Variants in VWA5A observed in about 807,000 individuals in gnomAD.
VWA5A encodes the protein von Willebrand factor A domain containing 5A, also known as von Willebrand factor A domain-containing protein 5A.
VWA5A carries 77 observed loss-of-function variants against 84.6 expected under a neutral mutation model. That is an observed-to-expected ratio of 0.91 (90% CI 0.76 to 1.10). VWA5A has a LOEUF of 1.10. Ranked by LOEUF, VWA5A falls within the 50% of genes least tolerant of loss-of-function variation. The pLI is 0.00. For missense variants in VWA5A, 973 were observed against 963.0 expected, an observed-to-expected ratio of 1.01 and a Z score of -0.14; for synonymous variants, 334 against 350.1, an observed-to-expected ratio of 0.95 and a Z score of 0.51.
chr11:124,138,731 G>A (rs775287364), intron 15 of VWA5A, among the ~76,000 whole-genome samples: 2 of 152,064 alleles, frequency 1.3e-5, no homozygotes, highest in African/African-American at 2.4e-5. Context: ...CTCCCATTCC[G>A]TAGGTTGTTT....
chr11:124,120,102 C>A (rs1350701466), intron 7 of VWA5A, among the ~76,000 whole-genome samples: 2 of 152,194 alleles, frequency 1.3e-5, no homozygotes, highest in Non-Finnish European at 2.9e-5. Context: ...CTTGTACAAC[C>A]ATCACCACCC....
At chr11:124,123,199 G>A (rs1017236740) in intron 8 of VWA5A, 70 bp downstream of exon 8, 2 of 1,558,984 alleles carry the variant, frequency 1.3e-6, no homozygotes, top group Non-Finnish European at 1.7e-6. Flanking sequence ...GTTAAATAAG[G>A]GTCTATCTGG....
At chr11:124,117,950 G>A in intron 4 of VWA5A, 75 bp downstream of exon 4, 1 of 1,539,068 alleles carries the variant, frequency 6.5e-7, no homozygotes, top group Non-Finnish European at 8.9e-7. Context: ...TACTCTTTAT[G>A]ATCTCTACTA....
chr11:124,146,038 A>T lies in VWA5A; in HGVS notation c.*93A>T. ...GTGATGATGTGTTCTTGTGTATTAT[A>T]ACTCTTTATTTTTTGCCATAAAAGT... On this transcript the variant is annotated 3_prime_UTR_variant, in exon 19 of 19. Transcript: ENST00000456829. 1 of 1,311,146 alleles carries T rather than the reference A, an allele frequency of 7.6e-7. No individual in the cohort carries two copies. 81.2% of individuals were successfully genotyped at this position (1,311,146 alleles called of 1,614,324 possible).
At position 124,141,668 on chromosome 11, in the gene VWA5A, T is replaced by C. The variant is rs1860730483; in HGVS notation, c.1950T>C (p.Tyr650=). 6.2e-7 allele frequency: 1 copy of C among 1,614,176 alleles called. No homozygotes were observed. Among genetic ancestry groups the C allele is most frequent in the Non-Finnish European group, 8.5e-7 (1 of 1,180,030 alleles). Reference sequence around the variant, plus strand: ...AGCCCAGAGGGGAACTTATGTGTTATAAGGCCAAGACATTCCAGATGGACG... The same window carrying C: ...AGCCCAGAGGGGAACTTATGTGTTACAAGGCCAAGACATTCCAGATGGACG... ...ASQPRGELMC[Y]KAKTFQMDDY... The change falls in exon 16 of 19, where the codon TAT becomes TAC. Residue 650 remains tyrosine (Y), a synonymous_variant. Transcript: ENST00000456829.
Position 124,118,211 on chromosome 11 carries a change from C to T in VWA5A, c.269C>T (p.Ala90Val), listed in dbSNP as rs148772314. The T allele has an allele frequency of 3.2e-5, 52 of 1,614,036 alleles. No individual in the cohort carries two copies. The African/African-American group carries it at 5.2e-4, about 16-fold the overall frequency. The change falls in exon 5 of 19, where the codon GCC becomes GTC. Residue 90 changes from alanine (A) to valine (V), a missense_variant. Ala to Val is a moderately conservative substitution (Grantham distance 64). Coordinates refer to ENST00000456829, the MANE Select transcript of VWA5A (RefSeq NM_001130142.2). The part of the protein sequence containing the change: ...KMKARTNYEK[A>V]ISQGHQAFLL... ...CAGGCCCGCACCAACTATGAGAAAGCCATCTCCCAGGGCCACCAGGCCTTC... is the reference window on the plus strand; with the variant it reads ...CAGGCCCGCACCAACTATGAGAAAGTCATCTCCCAGGGCCACCAGGCCTTC...
At chr11:124,122,101 A>G (rs1476471683) in intron 7 of VWA5A, among the ~76,000 whole-genome samples, 1 of 152,252 alleles carries the variant, frequency 6.6e-6, no homozygotes, top group East Asian at 1.9e-4. Flanking sequence ...ACCAAATCCC[A>G]GGACTACTGA....
At chr11:124,133,309 G>T (rs1385696003) in intron 11 of VWA5A, among the ~76,000 whole-genome samples, 1 of 152,122 alleles carries the variant, frequency 6.6e-6, no homozygotes, top group Middle Eastern at 3.2e-3. Context: ...AGAACACTTT[G>T]GCTGTGGAAA....
Position 124,118,300 on chromosome 11 carries a change from G to C in VWA5A, c.358G>C (p.Gly120Arg). The change falls in exon 5 of 19, where the codon GGG (glycine) becomes CGG (arginine). Residue 120 changes from glycine (G) to arginine (R), a missense_variant. Physicochemically the swap from Gly to Arg is moderately radical, Grantham distance 125. Transcript: ENST00000456829. ...FSCNVGNLQP[G>R]SKAAVTLKYV... Reference sequence around the variant, plus strand: ...TTGCAATGTGGGTAACCTCCAACCTGGGTCGAAGGCGGCAGTCACCCTGAA... The same window carrying C: ...TTGCAATGTGGGTAACCTCCAACCTCGGTCGAAGGCGGCAGTCACCCTGAA... 6.2e-7 allele frequency: 1 copy of C among 1,614,172 alleles called. No individual in the cohort carries two copies. The highest frequency in any genetic ancestry group is 8.5e-7 in the Non-Finnish European group (1 of 1,180,042).
chr11:124,120,931 T>C (rs1170575414), intron 7 of VWA5A, among the ~76,000 whole-genome samples: 2 of 152,174 alleles, frequency 1.3e-5, no homozygotes, highest in Non-Finnish European at 2.9e-5. Context: ...TCTCATCTAG[T>C]CCCCATGACC....
intron 15 of VWA5A, 44 bp from the exon 16 acceptor site, chr11:124,141,554 A>G (rs752523173): frequency 6.2e-7 from 1 of 1,607,712 alleles, no homozygotes; most frequent in South Asian, 1.1e-5. Context: ...TGCCCACTGC[A>G]GAGAGCAGGG....
chr11:124,132,386 A>G (rs1398431844), intron 11 of VWA5A, among the ~76,000 whole-genome samples: 1 of 152,054 alleles, frequency 6.6e-6, no homozygotes, highest in East Asian at 1.9e-4. Flanking sequence ...TTGCTCCAAA[A>G]GGTTTTCTTT....
intron 17 of VWA5A, among the ~76,000 whole-genome samples, chr11:124,144,345 GACA>G (rs902451776): frequency 1.1e-4 from 17 of 152,264 alleles, no homozygotes; most frequent in Non-Finnish European, 2.1e-4. Flanking sequence ...AGAAATGGAG[GACA>G]ACAGGGTTAC....
At chr11:124,139,142 T>G (rs1040490415) in intron 15 of VWA5A, among the ~76,000 whole-genome samples, 2 of 152,160 alleles carry the variant, frequency 1.3e-5, no homozygotes, top group Non-Finnish European at 2.9e-5. Flanking sequence ...TGTCTGTTTT[T>G]ATGCAAGTAC....
In VWA5A at chr11:124,136,718, TTCCTTCC is replaced by T. The variant is rs752843779; in HGVS notation, c.1625+46_1625+52del. 8.7e-5 allele frequency: 103 copies of T among 1,177,630 alleles called. 2 individuals are homozygous for T. In the African/African-American group the frequency reaches 1.6e-3, roughly 18 times the overall value. 72.9% of individuals were successfully genotyped at this position (1,177,630 alleles called of 1,614,324 possible). A position where few individuals can be genotyped will look rare whatever the true frequency, so the allele number is the denominator to read the frequency against. ...CTTCCTTCCTTCCTTCCTTCCTTCC[TTCCTTCC>T]TTCCTTCCTTCCTTCCTTCCTTCAT... On this transcript the variant is annotated intron_variant, in intron 14 of 18. Transcript: ENST00000456829.
chr11:124,136,027 C>T (rs1865175688), intron 12 of VWA5A, 102 bp from the exon 13 acceptor site: 1 of 1,313,484 alleles, frequency 7.6e-7, no homozygotes, highest in Non-Finnish European at 1.1e-6. Flanking sequence ...GTAGGCATGA[C>T]ATGTATTATG....
chr11:124,129,201 T>C (rs1158575441), intron 11 of VWA5A, among the ~76,000 whole-genome samples: 1 of 152,228 alleles, frequency 6.6e-6, no homozygotes, highest in African/African-American at 2.4e-5. Context: ...GGGTGTTGAA[T>C]TTTATCGAGG....
chr11:124,137,292 A>T (rs1176853638), intron 15 of VWA5A, 24 bp downstream of exon 15: 1 of 1,606,246 alleles, frequency 6.2e-7, no homozygotes, highest in South Asian at 1.1e-5. Context: ...TTCCATTCAA[A>T]CTCATATAGA....
At chr11:124,128,623 G>A (rs534718540) in intron 11 of VWA5A, among the ~76,000 whole-genome samples, 1 of 152,276 alleles carries the variant, frequency 6.6e-6, no homozygotes, top group African/African-American at 2.4e-5. Flanking sequence ...AGCATGGAAT[G>A]TTTTTCTATT....
Sources: gnomAD v4.1 joint callset for allele counts (sites outside exome capture counted in the v4.1 genomes callset) on GRCh38, gnomAD v4.1.1 for gene constraint, MANE v1.5 for transcripts, NCBI Gene and HGNC (gene_info 2026-07-23, HGNC 2026-07-21) for gene names.